Variants in MDGA2 observed in about 807,000 individuals in gnomAD.
MDGA2 encodes MAM domain-containing glycosylphosphatidylinositol anchor protein 2.
Under a neutral mutation model 117.8 loss-of-function variants are expected in MDGA2, and 40 were observed. That is an observed-to-expected ratio of 0.34 (90% CI 0.26 to 0.44). The LOEUF (loss-of-function observed/expected upper bound fraction) is 0.44, where lower values mean the gene tolerates loss of function less well. Ranked by LOEUF, MDGA2 falls within the 20% of genes least tolerant of loss-of-function variation. The pLI is 1.00. For synonymous variants in MDGA2, 452 were observed against 439.0 expected (o/e 1.03, Z -0.37); for missense variants, 1,123 against 1,250.6 (o/e 0.90, Z 1.54).
intron 2 of MDGA2, among the ~76,000 whole-genome samples, chr14:47,251,473 A>AG (rs1322098124): frequency 7.2e-6 from 1 of 138,294 alleles, no homozygotes; most frequent in Non-Finnish European, 1.6e-5. Context: ...TTAGTACATA[A>AG]TTTTTTTAAA....
In MDGA2 at chr14:47,574,104, A is replaced by C. The variant is rs1317780663; in HGVS notation, c.280+100413T>G. ...ATGGCAAGTTCTTATGGAGAAGAAA[A>C]TGGGTTCTGTGGATCGTGGCTTTTT... On this transcript the variant is annotated intron_variant, in intron 1 of 16. Coordinates refer to ENST00000399232, the MANE Select transcript of MDGA2 (RefSeq NM_001113498.3). 2.0e-5 allele frequency among the ~76,000 whole-genome samples: 3 copies of C among 152,276 alleles called. No homozygotes were observed. In the East Asian group the frequency reaches 5.8e-4, roughly 29 times the overall value.
chr14:46,950,357 T>A (rs990331446), intron 9 of MDGA2, among the ~76,000 whole-genome samples: 55 of 142,128 alleles, frequency 3.9e-4, no homozygotes, highest in African/African-American at 1.6e-3. Flanking sequence ...TGGACCTCTG[T>A]TAGTTTATCT....
chr14:46,844,705 T>C (rs961355171), intron 16 of MDGA2, among the ~76,000 whole-genome samples: 4 of 152,130 alleles, frequency 2.6e-5, no homozygotes, highest in Non-Finnish European at 5.9e-5. Flanking sequence ...TGAAATATAA[T>C]CTGCATAATC....
chr14:47,595,103 C>T (rs1435991265), intron 1 of MDGA2, among the ~76,000 whole-genome samples: 1 of 152,084 alleles, frequency 6.6e-6, no homozygotes, highest in Admixed American at 6.6e-5. Context: ...ACAAGTTACT[C>T]TCTTATCCCC....
intron 5 of MDGA2, among the ~76,000 whole-genome samples, chr14:47,128,162 G>A (rs1359684137): frequency 6.6e-6 from 1 of 151,986 alleles, no homozygotes; most frequent in Admixed American, 6.5e-5. Context: ...AGTCAATTTA[G>A]TTCATTCTCA....
chr14:47,104,689 G>A (rs1336015958), intron 5 of MDGA2, among the ~76,000 whole-genome samples: 7 of 152,048 alleles, frequency 4.6e-5, no homozygotes, highest in East Asian at 1.9e-4. Flanking sequence ...ATTTGGTGCC[G>A]TGACTCAGAT....
At chr14:46,926,889 GA>G (rs1884354229) in intron 9 of MDGA2, among the ~76,000 whole-genome samples, 1 of 152,094 alleles carries the variant, frequency 6.6e-6, no homozygotes. Flanking sequence ...TGTGATTTGA[GA>G]AAATAAGAAA....
intron 5 of MDGA2, among the ~76,000 whole-genome samples, chr14:47,119,169 G>GTCC (rs1881500638): frequency 5.2e-5 from 1 of 19,400 alleles, no homozygotes; most frequent in East Asian, 2.8e-3. Flanking sequence ...TCCTGCCTCA[G>GTCC]CCCCGCCCCC....
chr14:47,037,982 T>C (rs1888917995), intron 7 of MDGA2, among the ~76,000 whole-genome samples: 1 of 152,186 alleles, frequency 6.6e-6, no homozygotes, highest in South Asian at 2.1e-4. Context: ...CAGGCTGGGG[T>C]GCAGTGGTGC....
chr14:47,544,965 G>T (rs891870000), intron 1 of MDGA2, among the ~76,000 whole-genome samples: 3 of 152,132 alleles, frequency 2.0e-5, no homozygotes, highest in African/African-American at 7.2e-5. Context: ...ATGATACCAA[G>T]GTAAGTGAGT....
intron 1 of MDGA2, among the ~76,000 whole-genome samples, chr14:47,324,220 G>T (rs188827666): frequency 5.9e-5 from 9 of 152,142 alleles, no homozygotes; most frequent in Admixed American, 2.0e-4. Flanking sequence ...GCTCCAGCCT[G>T]GGTGACAGAG....
intron 7 of MDGA2, among the ~76,000 whole-genome samples, chr14:47,057,827 T>C (rs1233324823): frequency 6.6e-6 from 1 of 151,950 alleles, no homozygotes; most frequent in Non-Finnish European, 1.5e-5. Context: ...CCATGATAGC[T>C]CACTGCAGCC....
At chr14:47,650,620 C>T (rs972336803) in intron 1 of MDGA2, among the ~76,000 whole-genome samples, 4 of 152,128 alleles carry the variant, frequency 2.6e-5, no homozygotes, top group Non-Finnish European at 5.9e-5. Flanking sequence ...AGGGTTGCTT[C>T]CCAACTTGCA....
In MDGA2 at chr14:47,323,149, G is replaced by GATATATATATATAT. The variant is rs58765297; in HGVS notation, c.281-21613_281-21600dup. Among the ~76,000 whole-genome samples the GATATATATATATAT allele has an allele frequency of 8.0e-4, 86 of 107,642 alleles. 2 individuals carry two copies. The highest frequency in any genetic ancestry group is 1.3e-3 in the South Asian group (4 of 3,064). 70.6% of individuals were successfully genotyped at this position (107,642 alleles called of 152,430 possible). A position where few individuals can be genotyped will look rare whatever the true frequency, so the allele number is the denominator to read the frequency against. On this transcript the variant is annotated intron_variant, in intron 1 of 16. Coordinates refer to ENST00000399232, the MANE Select transcript of MDGA2 (RefSeq NM_001113498.3). ...AAGCCCCAGAGAAAAAAGAGTCATG[G>GATATATATATATAT]ATATATATATATATATATATATATA...
chr14:46,936,083 A>G (rs1884772175), intron 9 of MDGA2, among the ~76,000 whole-genome samples: 1 of 152,132 alleles, frequency 6.6e-6, no homozygotes, highest in African/African-American at 2.4e-5. Flanking sequence ...TTAAATTTTG[A>G]TGTATTACTT....
At chr14:47,436,317 G>GT (rs1364481336) in intron 1 of MDGA2, among the ~76,000 whole-genome samples, 1 of 152,050 alleles carries the variant, frequency 6.6e-6, no homozygotes, top group Admixed American at 6.6e-5. Flanking sequence ...TTAGAAATAG[G>GT]TTTCAAGTTA....
At chr14:46,988,646 G>A (rs1424263967) in intron 8 of MDGA2, among the ~76,000 whole-genome samples, 1 of 152,042 alleles carries the variant, frequency 6.6e-6, no homozygotes, top group Non-Finnish European at 1.5e-5. Flanking sequence ...GCTTTCATAT[G>A]CATCAGTGAG....
intron 1 of MDGA2, among the ~76,000 whole-genome samples, chr14:47,401,644 G>A (rs1210659051): frequency 1.3e-5 from 2 of 152,124 alleles, no homozygotes; most frequent in Non-Finnish European, 2.9e-5. Context: ...GCAAATTACT[G>A]GCCAACCCAT....
chr14:47,383,658 T>G (rs1248799322), intron 1 of MDGA2, among the ~76,000 whole-genome samples: 1 of 152,018 alleles, frequency 6.6e-6, no homozygotes, highest in Non-Finnish European at 1.5e-5. Flanking sequence ...CCTGCCTTAG[T>G]CTCCTGAGTA....
Sources: gnomAD v4.1 joint callset for allele counts (sites outside exome capture counted in the v4.1 genomes callset) on GRCh38, gnomAD v4.1.1 for gene constraint, MANE v1.5 for transcripts, NCBI Gene and HGNC (gene_info 2026-07-23, HGNC 2026-07-21) for gene names.